RNF126: variants seen among roughly 807,000 people sequenced by gnomAD.
RNF126 encodes E3 ubiquitin-protein ligase RNF126.
A neutral mutation model predicts 41.9 loss-of-function variants in RNF126; 20 were observed. The observed-to-expected ratio is 0.48, with a 90% CI of 0.34 to 0.69. The LOEUF is 0.69. Ranked by LOEUF, RNF126 falls within the 30% of genes least tolerant of loss-of-function variation. The pLI, the probability that RNF126 is intolerant of heterozygous loss-of-function variation, is 0.01. For missense variants in RNF126, 433 were observed against 460.6 expected (o/e 0.94, Z 0.55); for synonymous variants, 239 against 202.9 (o/e 1.18, Z -1.51).
Position 663,085 on chromosome 19 carries a change from A to G in RNF126, c.37T>C (p.Cys13Arg). ...EASPHPGRYFCHCCSVEIVPR... is the reference protein window; with the variant it reads ...EASPHPGRYFRHCCSVEIVPR... ...ACGATCTCCACGGAGCAGCAGTGGCAGAAGTACCGTCCGGGATGCGGCGAC... is the reference window on the plus strand; with the variant it reads ...ACGATCTCCACGGAGCAGCAGTGGCGGAAGTACCGTCCGGGATGCGGCGAC... Residue 13 changes from cysteine (C) to arginine (R), a missense_variant, in exon 1 of 9, where the codon TGC (cysteine) becomes CGC (arginine). Transcript: ENST00000292363. 1 of 1,361,930 alleles carries G rather than the reference A, an allele frequency of 7.3e-7. No homozygotes were observed. The highest frequency in any genetic ancestry group is 9.5e-7 in the Non-Finnish European group (1 of 1,051,226). 84.4% of individuals were successfully genotyped at this position (1,361,930 alleles called of 1,614,324 possible).
chr19:662,332 G>A (rs1213575260), intron 1 of RNF126, among the ~76,000 whole-genome samples: 1 of 152,186 alleles, frequency 6.6e-6, no homozygotes, highest in Non-Finnish European at 1.5e-5. Context: ...CACTCGGCAC[G>A]CCCAGGCCCA....
intron 6 of RNF126, chr19:649,266 G>A (rs1018869022): frequency 1.5e-5 from 5 of 334,308 alleles, no homozygotes; most frequent in Non-Finnish European, 2.7e-5. Context: ...CGGAATGGGG[G>A]GGCCGTGCTC....
intron 1 of RNF126, among the ~76,000 whole-genome samples, chr19:653,140 A>G (rs1245444045): frequency 6.7e-6 from 1 of 149,376 alleles, no homozygotes; most frequent in Non-Finnish European, 1.5e-5. Flanking sequence ...GGGCGTCACC[A>G]GCGTCATCAG....
rs1245735395 is a variant in RNF126, at chr19:651,842, T to C, written c.212A>G (p.His71Arg). 2 of 1,609,854 alleles carry C rather than the reference T, an allele frequency of 1.2e-6. No homozygotes were observed. The highest frequency in any genetic ancestry group is 1.7e-6 in the Non-Finnish European group (2 of 1,178,646). Residue 71 changes from histidine to arginine, a missense_variant, in exon 4 of 9, where the codon CAC (histidine) becomes CGC (arginine). This residue lies in a region of RNF126 where 247 missense variants were observed against 224.7 expected (regional missense o/e 1.10). Coordinates refer to ENST00000292363, the MANE Select transcript of RNF126 (RefSeq NM_194460.3). The part of the protein sequence containing the change: ...SRPPLEHVDQ[H>R]LFTLPQGYGQ... ...GTAGCCCTGCGGCAGCGTGAACAGGTGCTGGTCCACGTGCTGGGGAGAGGA... is the reference window on the plus strand; with the variant it reads ...GTAGCCCTGCGGCAGCGTGAACAGGCGCTGGTCCACGTGCTGGGGAGAGGA...
chr19:657,926 G>A (rs2030628112), intron 1 of RNF126, among the ~76,000 whole-genome samples: 1 of 152,080 alleles, frequency 6.6e-6, no homozygotes, highest in Admixed American at 6.5e-5. Context: ...GAGACCGCTT[G>A]GTCTCGTATT....
Position 647,764 on chromosome 19 carries a change from G to A in RNF126, c.*364C>T. The A allele has an allele frequency of 2.9e-6, 1 of 350,092 alleles. No homozygotes were observed. The highest frequency in any genetic ancestry group is 2.2e-5 in the South Asian group (1 of 46,324). The allele number at this position is 350,092 out of a possible 1,614,324, so 21.7% of individuals were successfully genotyped here. ...AACCCCGTGCTTCAGCGCTGGGGGA[G>A]CCGCTGGGCCCCGTCTTCCGCCACA... On this transcript the variant is annotated 3_prime_UTR_variant, in exon 9 of 9. Coordinates refer to ENST00000292363, the MANE Select transcript of RNF126 (RefSeq NM_194460.3).
chr19:652,687 GAA>G, intron 2 of RNF126, 137 bp downstream of exon 2: 1 of 771,448 alleles, frequency 1.3e-6, no homozygotes, highest in African/African-American at 1.7e-5. Context: ...TCTGCACAGA[GAA>G]AAGTGCTCCC....
chr19:662,991 T>C, intron 1 of RNF126, 56 bp downstream of exon 1: 1 of 941,130 alleles, frequency 1.1e-6, no homozygotes, highest in Non-Finnish European at 1.4e-6. Flanking sequence ...GGCCCCGGCC[T>C]TGCCTCAGGC....
chr19:653,970 G>A (rs568699160), intron 1 of RNF126, among the ~76,000 whole-genome samples: 2 of 152,154 alleles, frequency 1.3e-5, no homozygotes, highest in South Asian at 4.1e-4. Context: ...CAGGCTCTGG[G>A]GATGCAGGTT....
intron 1 of RNF126, among the ~76,000 whole-genome samples, chr19:656,153 C>T (rs776418786): frequency 7.2e-5 from 11 of 152,040 alleles, no homozygotes; most frequent in Non-Finnish European, 1.3e-4. Context: ...ATACTACAAA[C>T]GTTTCACCAG....
intron 1 of RNF126, among the ~76,000 whole-genome samples, chr19:653,881 C>A (rs553183866): frequency 2.0e-5 from 3 of 152,382 alleles, no homozygotes; most frequent in South Asian, 2.1e-4. Flanking sequence ...AGACCACCCC[C>A]AGGTAACACA....
At chr19:652,563 G>T (rs917595806) in intron 2 of RNF126, 2 of 604,420 alleles carry the variant, frequency 3.3e-6, no homozygotes, top group East Asian at 2.8e-5. Context: ...TCCCCGGAGG[G>T]CCTGGGTCAC....
At position 651,897 on chromosome 19, in the gene RNF126, G is replaced by C. The variant is rs375340680; in HGVS notation, c.199-42C>G. On this transcript the variant is annotated intron_variant, in intron 3 of 8. Coordinates refer to ENST00000292363, the MANE Select transcript of RNF126 (RefSeq NM_194460.3). ...GGCGTGACCTCGGGGGCTCAGGCCC[G>C]TGCAGTCTGCTGGGGGCGCTAGGGC... is the stretch of plus-strand genomic sequence containing the variant. 7.0e-5 allele frequency: 110 copies of C among 1,560,610 alleles called. No homozygotes were observed. The African/African-American group carries it at 1.4e-3, about 20-fold the overall frequency.
At position 659,560 on chromosome 19, in the gene RNF126, C is replaced by T. The variant is rs2030706570; in HGVS notation, c.75+3487G>A. On this transcript the variant is annotated intron_variant, in intron 1 of 8. Coordinates refer to ENST00000292363, the MANE Select transcript of RNF126 (RefSeq NM_194460.3). The surrounding 1 kb of genome is among the most constrained non-coding windows in gnomAD (Gnocchi z 4.9). ...GCCACCTCCCTGCGCCCGCCTGGTT[C>T]CTGGGGGCTCAGTGCCCTCAGCAGC... 1.3e-5 allele frequency among the ~76,000 whole-genome samples: 2 copies of T among 152,168 alleles called. No homozygotes were observed. Among genetic ancestry groups the T allele is most frequent in the Non-Finnish European group, 2.9e-5 (2 of 68,018 alleles).
rs538252211 is a variant in RNF126, at chr19:648,826, A to G, written c.670+56T>C. The G allele has an allele frequency of 5.7e-6, 6 of 1,044,744 alleles. No individual in the cohort carries two copies. The East Asian group carries it at 1.3e-4, about 22-fold the overall frequency. The allele number at this position is 1,044,744 out of a possible 1,614,324, so 64.7% of individuals were successfully genotyped here. A position where few individuals can be genotyped will look rare whatever the true frequency, so the allele number is the denominator to read the frequency against. On this transcript the variant is annotated intron_variant, in intron 7 of 8. Coordinates refer to ENST00000292363, the MANE Select transcript of RNF126 (RefSeq NM_194460.3). ...TCTACTGAAAATACAAGTATGAGCCAGGCGTGGCGGCGGGTGCCTGTAATT... is the reference window on the plus strand; with the variant it reads ...TCTACTGAAAATACAAGTATGAGCCGGGCGTGGCGGCGGGTGCCTGTAATT...
chr19:649,907 C>A (rs2030190406), intron 5 of RNF126, among the ~76,000 whole-genome samples, 159 bp from the exon 6 acceptor site: 1 of 146,470 alleles, frequency 6.8e-6, no homozygotes, highest in South Asian at 2.2e-4. Flanking sequence ...CCCCCACCCA[C>A]TCACCAGGGG....
chr19:661,894 C>T (rs557363889), intron 1 of RNF126, among the ~76,000 whole-genome samples: 8 of 152,194 alleles, frequency 5.3e-5, no homozygotes, highest in Admixed American at 1.3e-4. Context: ...CAAGCGGCTC[C>T]CGACTGAGCC....
At chr19:651,563 C>A in intron 4 of RNF126, 48 bp downstream of exon 4, 1 of 1,380,080 alleles carries the variant, frequency 7.2e-7, no homozygotes, top group South Asian at 1.6e-5. Context: ...CCAGAACTTC[C>A]GACCTCAAGG....
In RNF126 at chr19:659,071, G is replaced by T. The variant is rs928042671; in HGVS notation, c.75+3976C>A. Among the ~76,000 whole-genome samples the T allele has an allele frequency of 6.6e-6, 1 of 152,204 alleles. No individual in the cohort carries two copies. Among genetic ancestry groups the T allele is most frequent in the Non-Finnish European group, 1.5e-5 (1 of 68,022 alleles). On this transcript the variant is annotated intron_variant, in intron 1 of 8. Coordinates refer to ENST00000292363, the MANE Select transcript of RNF126 (RefSeq NM_194460.3). This position sits in a 1 kb window ranked among gnomAD's most constrained non-coding sequence, Gnocchi z 4.9. ...GTTCACAGGGTGCTGCAGGGAGCCC[G>T]TTCCGGAGAACCCAGCTGTGCAGAG... is the stretch of plus-strand genomic sequence containing the variant.
Sources: gnomAD v4.1 joint callset for allele counts (sites outside exome capture counted in the v4.1 genomes callset) on GRCh38, gnomAD v4.1.1 for gene constraint, gnomAD v4.1.1 regional missense constraint, Gnocchi (gnomAD v3.1) non-coding constraint, MANE v1.5 for transcripts, NCBI Gene and HGNC (gene_info 2026-07-23, HGNC 2026-07-21) for gene names.